The following MYLK variants were observed in gnomAD, a reference collection of about 807,000 sequenced individuals.
MYLK encodes the protein myosin light chain kinase, smooth muscle.
A neutral mutation model predicts 203.4 loss-of-function variants in MYLK; 106 were observed. The ratio of observed to expected loss-of-function variants is 0.52; its 90% CI spans 0.45 to 0.61. The LOEUF (loss-of-function observed/expected upper bound fraction) is 0.61, where lower values mean the gene tolerates loss of function less well. MYLK is among the 20% of genes least tolerant of loss of function. MYLK has a pLI of 0.00. For missense variants in MYLK, 2,072 were observed against 2,442.3 expected (o/e 0.85, Z 3.20); for synonymous variants, 867 against 959.5 (o/e 0.90, Z 1.78).
rs181207126 is a variant in MYLK at position 123,860,349 on chromosome 3, G to A, written c.-127+16210C>T. Among the ~76,000 whole-genome samples the A allele has an allele frequency of 2.7e-4, 41 of 152,284 alleles. No individual in the cohort carries two copies. In the South Asian group the frequency reaches 7.1e-3, roughly 26 times the overall value. On this transcript the variant is annotated intron_variant, in intron 2 of 33. Transcript: ENST00000360304. ...CACTGGGGTGGACAGCTGGCTGCTCGAATTCTTTGATCAGGGCACTGCTGT... is the reference window on the plus strand; with the variant it reads ...CACTGGGGTGGACAGCTGGCTGCTCAAATTCTTTGATCAGGGCACTGCTGT...
rs2057219361 is a variant in MYLK at position 123,610,237 on chromosome 3, A to G, written c.*3868T>C. On this transcript the variant is annotated 3_prime_UTR_variant, in exon 34 of 34. Coordinates refer to ENST00000360304, the MANE Select transcript of MYLK (RefSeq NM_053025.4). ...ATTTTTTATTTTATTTTTTAAAGTA[A>G]CTTAAATTTAAATAGCCACTTGTGA... The G allele has an allele frequency of 6.6e-6, 1 of 152,186 alleles. No individual in the cohort carries two copies. The highest frequency in any genetic ancestry group is 2.4e-5 in the African/African-American group (1 of 41,448). The allele number at this position is 152,186 out of a possible 1,614,324, so 9.4% of individuals were successfully genotyped here. A position where few individuals can be genotyped will look rare whatever the true frequency, so the allele number is the denominator to read the frequency against.
chr3:123,768,788 G>A (rs1484176552), intron 4 of MYLK, among the ~76,000 whole-genome samples: 1 of 152,106 alleles, frequency 6.6e-6, no homozygotes, highest in Non-Finnish European at 1.5e-5. Context: ...GTGTCCTTTC[G>A]AAACATCTTC....
chr3:123,658,843 A>G (rs2059474049), intron 23 of MYLK, among the ~76,000 whole-genome samples: 1 of 152,168 alleles, frequency 6.6e-6, no homozygotes, highest in Non-Finnish European at 1.5e-5. Context: ...ACTCATACTC[A>G]TATTCATTCT....
Position 123,807,196 on chromosome 3 carries a change from A to G in MYLK, c.-3-13352T>C, listed in dbSNP as rs947527413. Among the ~76,000 whole-genome samples, 23 of 152,182 alleles carry G rather than the reference A, an allele frequency of 1.5e-4. No homozygotes were observed. In the Middle Eastern group the frequency reaches 0.01, roughly 68 times the overall value. ...GTAATCCCAGCACTTTGAGAAGCCAAGGCGGGGGCATGACCTGAGGTCAGG... is the reference window on the plus strand; with the variant it reads ...GTAATCCCAGCACTTTGAGAAGCCAGGGCGGGGGCATGACCTGAGGTCAGG... On this transcript the variant is annotated intron_variant, in intron 3 of 33. Transcript: ENST00000360304.
chr3:123,749,636 C>T (rs2063135719), intron 5 of MYLK, among the ~76,000 whole-genome samples: 1 of 152,180 alleles, frequency 6.6e-6, no homozygotes, highest in South Asian at 2.1e-4. Context: ...TTAAGTAGCT[C>T]TAAGGATGCT....
In MYLK at chr3:123,701,043, G is replaced by A. The variant is rs762283035; in HGVS notation, c.2463-38C>T. 14 of 1,450,668 alleles carry A rather than the reference G, an allele frequency of 9.7e-6. No individual in the cohort carries two copies. In the South Asian group the frequency reaches 1.6e-4, roughly 16 times the overall value. The allele number at this position is 1,450,668 out of a possible 1,614,324, so 89.9% of individuals were successfully genotyped here. A position where few individuals can be genotyped will look rare whatever the true frequency, so the allele number is the denominator to read the frequency against. ...TAGGGAAAAAGGAAAGTAGCAGGAGGAAAAGGGGCTGGGTAAGAAAGAAAC... is the reference window on the plus strand; with the variant it reads ...TAGGGAAAAAGGAAAGTAGCAGGAGAAAAAGGGGCTGGGTAAGAAAGAAAC... On this transcript the variant is annotated intron_variant, in intron 17 of 33. Transcript: ENST00000360304.
chr3:123,883,251 G>A (rs895831919), intron 1 of MYLK, among the ~76,000 whole-genome samples: 2 of 152,094 alleles, frequency 1.3e-5, no homozygotes, highest in African/African-American at 4.8e-5. Flanking sequence ...CACTTGGGGA[G>A]AGGAGGGATG....
intron 2 of MYLK, among the ~76,000 whole-genome samples, chr3:123,835,312 T>A (rs1158387886): frequency 1.3e-5 from 2 of 152,194 alleles, no homozygotes; most frequent in Non-Finnish European, 2.9e-5. Context: ...AGGTTCAATA[T>A]GGCAATCAGT....
chr3:123,771,314 T>C (rs1437324119), intron 4 of MYLK, among the ~76,000 whole-genome samples: 1 of 152,226 alleles, frequency 6.6e-6, no homozygotes, highest in Admixed American at 6.5e-5. Context: ...AATCGGAGTT[T>C]ACCCTGAAAA....
intron 4 of MYLK, among the ~76,000 whole-genome samples, chr3:123,764,294 G>GT (rs1371247456): frequency 6.6e-6 from 1 of 152,158 alleles, no homozygotes; most frequent in African/African-American, 2.4e-5. Flanking sequence ...TTTCCTGTAT[G>GT]TAAGTGAGGA....
chr3:123,762,475 C>T lies in MYLK; in HGVS notation c.166-9937G>A, dbSNP rs114967712. Among the ~76,000 whole-genome samples the T allele has an allele frequency of 9.8e-3, 1,487 of 152,220 alleles. 30 individuals carry two copies. Among genetic ancestry groups the T allele is most frequent in the African/African-American group, 0.034 (1,429 of 41,530 alleles). The stretch of plus-strand genomic sequence containing the variant: ...CAATTTCCTGGGCTCAAGCAATCCA[C>T]CCACCTTGACCTCCCAAAGTTGCTG... On this transcript the variant is annotated intron_variant, in intron 4 of 33. Transcript: ENST00000360304.
In MYLK at chr3:123,725,921, G is replaced by C. The variant is rs189118719; in HGVS notation, c.1651+23C>G. 2,902 of 1,611,944 alleles carry C rather than the reference G, an allele frequency of 1.8e-3. 4 individuals are homozygous for C. The highest frequency in any genetic ancestry group is 2.2e-3 in the Non-Finnish European group (2,545 of 1,178,496). ...AAAGGGCCCAGGGGATGGGAGCAGAGAGCTGGGGCAGGGGGAACTCACCAT... is the reference window on the plus strand; with the variant it reads ...AAAGGGCCCAGGGGATGGGAGCAGACAGCTGGGGCAGGGGGAACTCACCAT... On this transcript the variant is annotated intron_variant, in intron 12 of 33. Coordinates refer to ENST00000360304, the MANE Select transcript of MYLK (RefSeq NM_053025.4).
rs990591021 is a variant in MYLK, at chr3:123,854,788, T to A, written c.-127+21771A>T. On this transcript the variant is annotated intron_variant, in intron 2 of 33. Coordinates refer to ENST00000360304, the MANE Select transcript of MYLK (RefSeq NM_053025.4). ...AAAAGAAACAAACACTCAAAATATA[T>A]CCTTTAATAGTTATTTCAGTGAGCA... 9.2e-5 allele frequency among the ~76,000 whole-genome samples: 14 copies of A among 152,318 alleles called. No individual in the cohort carries two copies. In the East Asian group the frequency reaches 1.2e-3, roughly 13 times the overall value.
At chr3:123,670,747 A>C (rs1560047768) in intron 20 of MYLK, among the ~76,000 whole-genome samples, 1 of 152,212 alleles carries the variant, frequency 6.6e-6, no homozygotes, top group Admixed American at 6.5e-5. Context: ...ATCTCAGAAA[A>C]AAAAGAAAGA....
At chr3:123,652,769 C>T (rs573769873) in intron 24 of MYLK, among the ~76,000 whole-genome samples, 2 of 152,124 alleles carry the variant, frequency 1.3e-5, no homozygotes, top group Non-Finnish European at 2.9e-5. Flanking sequence ...AGGAGGAGTA[C>T]AGTTCAAGAC....
intron 23 of MYLK, chr3:123,659,763 A>G: frequency 2.0e-6 from 1 of 503,846 alleles, no homozygotes. Flanking sequence ...TCAGACTGGG[A>G]GGGAGACCCT....
chr3:123,826,734 C>T lies in MYLK; in HGVS notation c.-4+4814G>A, dbSNP rs537348425. 2.6e-5 allele frequency among the ~76,000 whole-genome samples: 4 copies of T among 152,244 alleles called. No homozygotes were observed. In the South Asian group the frequency reaches 8.3e-4, roughly 32 times the overall value. ...CAACCTTAGAAAGAGCCCAGCAAGC[C>T]CAGCCTAGCAAAGCTGCACCACTGT... On this transcript the variant is annotated intron_variant, in intron 3 of 33. Coordinates refer to ENST00000360304, the MANE Select transcript of MYLK (RefSeq NM_053025.4).
At chr3:123,653,987 TGTGTGTGTGTGTG>T (rs2059308357) in intron 24 of MYLK, among the ~76,000 whole-genome samples, 1 of 6,440 alleles carries the variant, frequency 1.6e-4, no homozygotes, top group African/African-American at 2.6e-4. Flanking sequence ...AGAGGGATGT[TGTGTGTGTGTGTG>T]TGTGTGTGTG....
At chr3:123,849,520 G>A (rs1291475215) in intron 2 of MYLK, among the ~76,000 whole-genome samples, 1 of 152,136 alleles carries the variant, frequency 6.6e-6, no homozygotes, top group African/African-American at 2.4e-5. Context: ...CAAATGTGGG[G>A]TGGTGCCATA....
Sources: gnomAD v4.1 joint callset for allele counts (sites outside exome capture counted in the v4.1 genomes callset) on GRCh38, gnomAD v4.1.1 for gene constraint, MANE v1.5 for transcripts, NCBI Gene and HGNC (gene_info 2026-07-23, HGNC 2026-07-21) for gene names.